The following FGFR2 variants were observed in gnomAD, a reference collection of about 807,000 sequenced individuals.
The protein encoded by FGFR2 is BEK fibroblast growth factor receptor.
FGFR2 carries 19 observed loss-of-function variants against 95.9 expected under a neutral mutation model. That is an observed-to-expected ratio of 0.20 (90% CI 0.14 to 0.29). The LOEUF is 0.29. FGFR2 is among the 10% of genes least tolerant of loss of function. FGFR2 has a pLI of 1.00. For missense variants in FGFR2, 707 were observed against 1,056.9 expected, an observed-to-expected ratio of 0.67 and a Z score of 4.59; for synonymous variants, 392 against 393.3, an observed-to-expected ratio of 1.00 and a Z score of 0.04.
chr10:121,519,053 G>A (rs964945104), intron 7 of FGFR2, among the ~76,000 whole-genome samples: 1 of 152,218 alleles, frequency 6.6e-6, no homozygotes, highest in South Asian at 2.1e-4. Context: ...AACTGGATAG[G>A]TCGGGTGGGT....
chr10:121,580,797 C>A lies in FGFR2; in HGVS notation c.109+12912G>T, dbSNP rs2981578. Among the ~76,000 whole-genome samples the A allele has an allele frequency of 1.8e-3, 274 of 152,164 alleles. 1 individual carries two copies. Among genetic ancestry groups the A allele is most frequent in the African/African-American group, 6.4e-3 (264 of 41,532 alleles). Reference sequence around the variant, plus strand: ...TTAACCTTTCTTCCCTGCTCCAAACCGCATATTTGCATAGAGGTAAAAGCT... The same window carrying A: ...TTAACCTTTCTTCCCTGCTCCAAACAGCATATTTGCATAGAGGTAAAAGCT... On this transcript the variant is annotated intron_variant, in intron 2 of 17. Coordinates refer to ENST00000358487, the MANE Select transcript of FGFR2 (RefSeq NM_000141.5).
intron 5 of FGFR2, among the ~76,000 whole-genome samples, chr10:121,550,539 C>T (rs1855233939): frequency 6.6e-6 from 1 of 152,184 alleles, no homozygotes; most frequent in Non-Finnish European, 1.5e-5. Flanking sequence ...TCAAGGAGGA[C>T]AGCAGATTGC....
chr10:121,501,999 C>G (rs573355939), intron 10 of FGFR2, among the ~76,000 whole-genome samples: 9 of 152,296 alleles, frequency 5.9e-5, no homozygotes, highest in Admixed American at 3.9e-4. Flanking sequence ...GTTCCACCTA[C>G]GTTTGCGCTA....
In FGFR2 at chr10:121,515,308, C is replaced by T. The variant is rs762423026; in HGVS notation, c.1096G>A (p.Glu366Lys). 2 of 1,613,996 alleles carry T rather than the reference C, an allele frequency of 1.2e-6. No homozygotes were observed. Among genetic ancestry groups the T allele is most frequent in the African/African-American group, 2.7e-5 (2 of 74,902 alleles). ...TCTGGGGAAGCTGTAATCTCCTTTT[C>T]TCTTCCAGGCGCTAGATTGCAGATC... is the stretch of plus-strand genomic sequence containing the variant. Reference protein sequence around the residue: ...WLTVLPAPGREKEITASPDYL... With the variant: ...WLTVLPAPGRKKEITASPDYL... Residue 366 changes from glutamate to lysine, a missense_variant, in exon 9 of 18, where the codon GAA becomes AAA. Around this residue, in one of 7 missense-constraint regions of FGFR2, gnomAD observed 194 missense variants for 267.3 expected, o/e 0.73. Coordinates refer to ENST00000358487, the MANE Select transcript of FGFR2 (RefSeq NM_000141.5).
At chr10:121,570,002 G>A (rs1225458400) in intron 2 of FGFR2, among the ~76,000 whole-genome samples, 6 of 152,222 alleles carry the variant, frequency 3.9e-5, no homozygotes, top group African/African-American at 1.2e-4. Context: ...GAGAGGCAGG[G>A]ATGGGGTGGG....
chr10:121,489,312 G>C (rs1485647141), intron 13 of FGFR2, among the ~76,000 whole-genome samples: 1 of 152,066 alleles, frequency 6.6e-6, no homozygotes, highest in East Asian at 1.9e-4. Flanking sequence ...GACCTCAGGT[G>C]AGCCATCCGC....
chr10:121,520,245 G>C (rs2134322834), intron 6 of FGFR2, 76 bp from the exon 7 acceptor site: 3 of 1,453,330 alleles, frequency 2.1e-6, no homozygotes, highest in Non-Finnish European at 2.8e-6. Flanking sequence ...GTTGTCCAGA[G>C]GGCTGTCAGT....
chr10:121,585,336 T>C (rs560753002), intron 2 of FGFR2, among the ~76,000 whole-genome samples: 4 of 152,346 alleles, frequency 2.6e-5, no homozygotes, highest in African/African-American at 9.6e-5. Context: ...CAATTATCAC[T>C]ATACACTGTA....
At chr10:121,592,453 T>C (rs1862795900) in intron 2 of FGFR2, among the ~76,000 whole-genome samples, 1 of 152,178 alleles carries the variant, frequency 6.6e-6, no homozygotes, top group Non-Finnish European at 1.5e-5. Context: ...CTGTTAATTA[T>C]AGAGCTGCCA....
intron 1 of FGFR2, among the ~76,000 whole-genome samples, chr10:121,594,646 AGC>A (rs1564757016): frequency 1.3e-5 from 2 of 152,242 alleles, no homozygotes; most frequent in African/African-American, 4.8e-5. Context: ...ACACAACTGC[AGC>A]GCATTCAACG....
chr10:121,572,887 C>T (rs868620198), intron 2 of FGFR2, among the ~76,000 whole-genome samples: 1 of 152,168 alleles, frequency 6.6e-6, no homozygotes, highest in African/African-American at 2.4e-5. Context: ...TATAAGTAAA[C>T]AGAGAGAAAA....
In FGFR2 at chr10:121,485,475, T is replaced by C. The variant is rs763301309; in HGVS notation, c.2115A>G (p.Pro705=). Residue 705 remains proline, a synonymous_variant, in exon 16 of 18, where the codon CCA becomes CCG. Transcript: ENST00000358487. This position sits in a 1 kb window ranked among gnomAD's most constrained non-coding sequence, Gnocchi z 4.2. ...TAAAAAGTTCCTCCACGGGAATCCC[T>C]GGGTAGGGCGAGCCCCCTAAAGTGA... ...EIFTLGGSPY[P]GIPVEELFKL... 1.2e-6 allele frequency: 2 copies of C among 1,614,120 alleles called. No individual in the cohort carries two copies. The highest frequency in any genetic ancestry group is 1.7e-5 in the Admixed American group (1 of 60,022).
intron 1 of FGFR2, among the ~76,000 whole-genome samples, chr10:121,597,652 G>C (rs1322765043): frequency 6.6e-6 from 1 of 152,266 alleles, no homozygotes; most frequent in African/African-American, 2.4e-5. Flanking sequence ...TCTGGGGTCG[G>C]AGAAACGCGC....
At chr10:121,524,610 G>A (rs148004524) in intron 6 of FGFR2, among the ~76,000 whole-genome samples, 135 of 152,220 alleles carry the variant, frequency 8.9e-4, no homozygotes, top group African/African-American at 3.0e-3. Flanking sequence ...ACCACCCCTC[G>A]GAATCCCTAA....
chr10:121,596,855 T>C (rs1863495542), intron 1 of FGFR2, among the ~76,000 whole-genome samples: 1 of 152,096 alleles, frequency 6.6e-6, no homozygotes, highest in Admixed American at 6.5e-5. Flanking sequence ...GCATTTTAAT[T>C]GACATTCCAG....
chr10:121,508,267 T>C (rs1848584577), intron 9 of FGFR2, among the ~76,000 whole-genome samples: 1 of 152,202 alleles, frequency 6.6e-6, no homozygotes, highest in African/African-American at 2.4e-5. Context: ...TCTGATTTGC[T>C]AGATGAGGCC....
At chr10:121,491,731 G>C (rs571386649) in intron 13 of FGFR2, among the ~76,000 whole-genome samples, 2 of 152,110 alleles carry the variant, frequency 1.3e-5, no homozygotes, top group Non-Finnish European at 2.9e-5. Flanking sequence ...TTAGCCGGGC[G>C]TGGTGGCAAG....
At position 121,517,280 on chromosome 10, in the gene FGFR2, A is replaced by G. The variant is rs541197226; in HGVS notation, c.1084+39T>C. 1 of 1,612,146 alleles carries G rather than the reference A, an allele frequency of 6.2e-7. No individual in the cohort carries two copies. The highest frequency in any genetic ancestry group is 1.1e-5 in the South Asian group (1 of 91,028). On this transcript the variant is annotated intron_variant, in intron 8 of 17. Transcript: ENST00000358487. The surrounding 1 kb of genome is among the most constrained non-coding windows in gnomAD (Gnocchi z 4.7). ...GTTAATTTTATAGCAGTCAACCAAG[A>G]AAAGGGAAAAAAACCCAGAGAGAAA...
At chr10:121,551,562 G>C in intron 4 of FGFR2, 103 bp from the exon 5 acceptor site, 2 of 1,062,906 alleles carry the variant, frequency 1.9e-6, no homozygotes, top group Non-Finnish European at 2.8e-6. Flanking sequence ...GTAAATGCTA[G>C]GCTATTTTTT....
Sources: allele counts gnomAD v4.1 joint callset (sites outside exome capture counted in the v4.1 genomes callset), GRCh38; gene constraint gnomAD v4.1.1; regional missense constraint gnomAD v4.1.1; non-coding constraint Gnocchi (gnomAD v3.1); transcripts MANE v1.5; gene names NCBI Gene and HGNC (gene_info 2026-07-23, HGNC 2026-07-21).